The following MDM1 variants were observed in gnomAD, a reference collection of about 807,000 sequenced individuals.
MDM1 encodes the protein Mdm1 nuclear protein.
Under a neutral mutation model 89.1 loss-of-function variants are expected in MDM1, and 61 were observed. The observed-to-expected ratio is 0.68, with a 90% CI of 0.56 to 0.85. The LOEUF (loss-of-function observed/expected upper bound fraction) is 0.85. Among genes scored for constraint, MDM1 ranks in the 40% least tolerant of loss-of-function variants. MDM1 has a pLI of 0.00. For synonymous variants in MDM1, 290 were observed against 294.1 expected (o/e 0.99, Z 0.14); for missense variants, 820 against 846.5 (o/e 0.97, Z 0.39).
intron 3 of MDM1, 107 bp downstream of exon 3, chr12:68,326,550 A>G: frequency 6.2e-7 from 1 of 1,610,104 alleles, no homozygotes; most frequent in Non-Finnish European, 8.5e-7. Context: ...TAGACAAGAA[A>G]ACAACAATGG....
intron 12 of MDM1, among the ~76,000 whole-genome samples, chr12:68,310,108 T>A (rs1041329758): frequency 6.6e-6 from 1 of 152,178 alleles, no homozygotes; most frequent in Admixed American, 6.5e-5. Context: ...ATGGCTGGGA[T>A]TACAGGCATC....
At chr12:68,307,452 C>T (rs939743307) in intron 12 of MDM1, among the ~76,000 whole-genome samples, 4 of 152,020 alleles carry the variant, frequency 2.6e-5, no homozygotes, top group Non-Finnish European at 4.4e-5. Flanking sequence ...CCTGGCAACA[C>T]AGCGAGATCC....
At chr12:68,300,898 T>G (rs554315327) in intron 13 of MDM1, among the ~76,000 whole-genome samples, 2 of 152,222 alleles carry the variant, frequency 1.3e-5, no homozygotes, top group South Asian at 2.1e-4. Flanking sequence ...TTTTCCAAAA[T>G]AGACCACATG....
At chr12:68,327,848 T>C (rs1212663139) in intron 2 of MDM1, among the ~76,000 whole-genome samples, 4 of 152,186 alleles carry the variant, frequency 2.6e-5, no homozygotes, top group Non-Finnish European at 4.4e-5. Context: ...CCACAGGTCT[T>C]CTCACTGGGT....
At chr12:68,297,180 G>T (rs994402115) in intron 13 of MDM1, among the ~76,000 whole-genome samples, 198 bp from the exon 14 acceptor site, 2 of 152,166 alleles carry the variant, frequency 1.3e-5, no homozygotes, top group South Asian at 4.2e-4. Flanking sequence ...CCATAAAAGG[G>T]CCATTCATAA....
chr12:68,321,254 TG>T, intron 7 of MDM1, 92 bp downstream of exon 7: 1 of 792,226 alleles, frequency 1.3e-6, no homozygotes, highest in Non-Finnish European at 2.0e-6. Flanking sequence ...CTTTAAATTG[TG>T]GTCTCTATTA....
Position 68,325,459 on chromosome 12 carries a change from T to C in MDM1, c.615A>G (p.Pro205=). ...FVWKTSKETA[P]AFAANQVFHN... ...AAGCTACCTGATTGGCTGCAAAAGC[T>C]GGAGCAGTTTCTTTAGAAGTCTTCC... Residue 205 remains proline (P), a synonymous_variant, in exon 4 of 15, where the codon CCA becomes CCG. Coordinates refer to ENST00000682720, the MANE Select transcript of MDM1 (RefSeq NM_001354969.2). 6.3e-7 allele frequency: 1 copy of C among 1,583,716 alleles called. No individual in the cohort carries two copies. The highest frequency in any genetic ancestry group is 8.6e-7 in the Non-Finnish European group (1 of 1,167,182).
At position 68,313,724 on chromosome 12, in the gene MDM1, C is replaced by T. The variant is rs1352135176; in HGVS notation, c.1559G>A (p.Gly520Glu). 6.2e-7 allele frequency: 1 copy of T among 1,613,984 alleles called. No homozygotes were observed. The highest frequency in any genetic ancestry group is 1.3e-5 in the African/African-American group (1 of 74,914). ...CAGCTTGGGAGTAGGAAGCCGGCCT[C>T]CTTTTTCTGAGGATACAGAAGAATC... is the stretch of plus-strand genomic sequence containing the variant. The part of the protein sequence containing the change: ...GSDSSVSSEK[G>E]GRLPTPKLRE... Residue 520 changes from glycine (G) to glutamate (E), a missense_variant, in exon 11 of 15, where the codon GGA (glycine) becomes GAA (glutamate). By Grantham distance (98) the Gly-to-Glu change is moderately conservative. Transcript: ENST00000682720.
At position 68,332,322 on chromosome 12, in the gene MDM1, T is replaced by C. The variant is rs1001449531; in HGVS notation, c.-77A>G. On this transcript the variant is annotated 5_prime_UTR_variant, in exon 1 of 15. Transcript: ENST00000682720. ...CTCCGAGGGGGCGGGGCGATAACAG[T>C]GTTCCCTAGCAAAGCCTCGGCCCGG... 2.0e-5 allele frequency: 30 copies of C among 1,474,612 alleles called. No individual in the cohort carries two copies. The East Asian group carries it at 2.7e-4, about 13-fold the overall frequency. The allele number at this position is 1,474,612 out of a possible 1,614,324, so 91.3% of individuals were successfully genotyped here.
intron 1 of MDM1, 186 bp downstream of exon 1, chr12:68,332,042 A>G (rs1876906395): frequency 1.3e-6 from 1 of 759,338 alleles, no homozygotes; most frequent in Non-Finnish European, 2.3e-6. Context: ...AATGTGAGTG[A>G]GCGGAGAGGG....
intron 7 of MDM1, among the ~76,000 whole-genome samples, chr12:68,318,527 C>T (rs1874796902): frequency 6.6e-6 from 1 of 152,030 alleles, no homozygotes; most frequent in Non-Finnish European, 1.5e-5. Flanking sequence ...AATCTCAGTG[C>T]TAATATTATA....
intron 5 of MDM1, among the ~76,000 whole-genome samples, chr12:68,322,606 C>A (rs1261140656): frequency 6.6e-6 from 1 of 152,068 alleles, no homozygotes; most frequent in Non-Finnish European, 1.5e-5. Flanking sequence ...TGCACTCCAG[C>A]CTGGGCGACA....
Position 68,313,635 on chromosome 12 carries a change from G to A in MDM1, c.1639+9C>T, listed in dbSNP as rs908610900. The A allele has an allele frequency of 6.2e-7, 1 of 1,611,642 alleles. No individual in the cohort carries two copies. The highest frequency in any genetic ancestry group is 8.5e-7 in the Non-Finnish European group (1 of 1,177,802). On this transcript the variant is annotated intron_variant, in intron 11 of 14. Transcript: ENST00000682720. ...GTTAAATAAGAACTGCACGGTGTTT[G>A]CCGATTACCAACAGCTGGAGTAGTG...
chr12:68,313,806 G>T, intron 10 of MDM1, 53 bp from the exon 11 acceptor site: 1 of 1,396,346 alleles, frequency 7.2e-7, no homozygotes. Context: ...GAGAAAATAT[G>T]ATAAAAAATA....
Position 68,294,646 on chromosome 12 carries a change from A to G in MDM1, c.*608T>C, listed in dbSNP as rs907710705. 6.6e-6 allele frequency: 1 copy of G among 152,258 alleles called. No individual in the cohort carries two copies. Among genetic ancestry groups the G allele is most frequent in the Non-Finnish European group, 1.5e-5 (1 of 68,046 alleles). The allele number at this position is 152,258 out of a possible 1,614,324, so 9.4% of individuals were successfully genotyped here. On this transcript the variant is annotated 3_prime_UTR_variant, in exon 15 of 15. Coordinates refer to ENST00000682720, the MANE Select transcript of MDM1 (RefSeq NM_001354969.2). ...ACAGGTAATTTTTCAAAATCTAGACATTATTCAAATGTAAGCCAAAGTCCT... is the reference window on the plus strand; with the variant it reads ...ACAGGTAATTTTTCAAAATCTAGACGTTATTCAAATGTAAGCCAAAGTCCT...
chr12:68,301,376 G>C (rs1313986240), intron 13 of MDM1, among the ~76,000 whole-genome samples: 2 of 152,130 alleles, frequency 1.3e-5, no homozygotes, highest in Non-Finnish European at 2.9e-5. Flanking sequence ...ATCAAATACT[G>C]CATGTTCTCA....
At chr12:68,325,389 A>G in intron 4 of MDM1, 52 bp downstream of exon 4, 1 of 1,422,160 alleles carries the variant, frequency 7.0e-7, no homozygotes, top group African/African-American at 1.5e-5. Flanking sequence ...GTAAATCTAC[A>G]TTACTAGATA....
intron 12 of MDM1, among the ~76,000 whole-genome samples, chr12:68,304,861 C>T (rs978735410): frequency 2.0e-5 from 3 of 152,172 alleles, no homozygotes; most frequent in African/African-American, 7.2e-5. Flanking sequence ...TGCTTTGTTG[C>T]TTCTGATATT....
At chr12:68,312,068 A>G (rs1229674572) in intron 12 of MDM1, among the ~76,000 whole-genome samples, 1 of 152,002 alleles carries the variant, frequency 6.6e-6, no homozygotes, top group Non-Finnish European at 1.5e-5. Flanking sequence ...CAACTTCCCA[A>G]TATCAAAAAA....
Sources: allele counts gnomAD v4.1 joint callset (sites outside exome capture counted in the v4.1 genomes callset), GRCh38; gene constraint gnomAD v4.1.1; transcripts MANE v1.5; gene names NCBI Gene and HGNC (gene_info 2026-07-23, HGNC 2026-07-21).